The following ADCY2 variants were observed in gnomAD, a reference collection of about 807,000 sequenced individuals.
ADCY2 encodes the protein adenylate cyclase type 2.
ADCY2 carries 31 observed loss-of-function variants against 125.2 expected under a neutral mutation model. That is an observed-to-expected ratio of 0.25 (90% CI 0.19 to 0.33). The LOEUF is 0.33. Among genes scored for constraint, ADCY2 ranks in the 10% least tolerant of loss-of-function variants. The pLI, the probability that ADCY2 is intolerant of heterozygous loss-of-function variation, is 1.00. For missense variants in ADCY2, 904 were observed against 1,418.2 expected (o/e 0.64, Z 5.82); for synonymous variants, 512 against 548.4 (o/e 0.93, Z 0.93).
chr5:7,772,824 C>T, intron 17 of ADCY2, 108 bp from the exon 18 acceptor site: 2 of 1,047,986 alleles, frequency 1.9e-6, no homozygotes, highest in Non-Finnish European at 2.8e-6. Flanking sequence ...TTCACAGCCA[C>T]CTTATATGTT....
At chr5:7,657,242 G>C (rs913756035) in intron 4 of ADCY2, among the ~76,000 whole-genome samples, 2 of 152,216 alleles carry the variant, frequency 1.3e-5, no homozygotes, top group East Asian at 3.9e-4. Context: ...AAATGAAGGA[G>C]TTTGGAAAGT....
At chr5:7,826,013 C>A (rs143005876) in intron 24 of ADCY2, among the ~76,000 whole-genome samples, 2 of 152,338 alleles carry the variant, frequency 1.3e-5, no homozygotes, top group African/African-American at 4.8e-5. Flanking sequence ...CAGCAGCCTG[C>A]AAGAGGGGCT....
At chr5:7,573,598 T>C (rs12517278) in intron 3 of ADCY2, among the ~76,000 whole-genome samples, 25,547 of 126,996 alleles carry the variant, frequency 0.2, 1,678 homozygotes, top group East Asian at 0.41. Flanking sequence ...ATTTTCTTTT[T>C]TTTTTTTTTT....
chr5:7,712,236 G>A (rs577362197), intron 10 of ADCY2, among the ~76,000 whole-genome samples: 2 of 152,262 alleles, frequency 1.3e-5, no homozygotes, highest in Non-Finnish European at 2.9e-5. Context: ...AATGTGTAAA[G>A]GCAATCTTTC....
At chr5:7,453,103 G>C (rs1293399582) in intron 2 of ADCY2, among the ~76,000 whole-genome samples, 1 of 152,008 alleles carries the variant, frequency 6.6e-6, no homozygotes, top group Non-Finnish European at 1.5e-5. Context: ...TTTTAGTTTA[G>C]TTAGCTCCCA....
chr5:7,727,755 A>G (rs1208449609), intron 14 of ADCY2, among the ~76,000 whole-genome samples: 1 of 151,974 alleles, frequency 6.6e-6, no homozygotes, highest in Non-Finnish European at 1.5e-5. Context: ...TTTGATTGTT[A>G]TAGGTCAAGG....
chr5:7,400,559 C>A (rs568421021), intron 1 of ADCY2, among the ~76,000 whole-genome samples: 1 of 152,298 alleles, frequency 6.6e-6, no homozygotes, highest in Admixed American at 6.5e-5. Context: ...TTTCAGCACC[C>A]CCAATAGGTG....
Position 7,829,000 on chromosome 5 carries a change from T to A in ADCY2, c.*2129T>A, listed in dbSNP as rs1745566783. On this transcript the variant is annotated 3_prime_UTR_variant, in exon 25 of 25. Transcript: ENST00000338316. Reference sequence around the variant, plus strand: ...AAAGAACTCAAAAGGAGAACTGTGCTCTCCCAAAGCCATATCACCAGTCTT... The same window carrying A: ...AAAGAACTCAAAAGGAGAACTGTGCACTCCCAAAGCCATATCACCAGTCTT... 6.6e-6 allele frequency: 1 copy of A among 152,336 alleles called. No homozygotes were observed. The highest frequency in any genetic ancestry group is 1.5e-5 in the Non-Finnish European group (1 of 68,066). The allele number at this position is 152,336 out of a possible 1,614,324, so 9.4% of individuals were successfully genotyped here. A position where few individuals can be genotyped will look rare whatever the true frequency, so the allele number is the denominator to read the frequency against.
At chr5:7,677,219 A>G (rs1048285283) in intron 4 of ADCY2, among the ~76,000 whole-genome samples, 5 of 152,148 alleles carry the variant, frequency 3.3e-5, no homozygotes, top group African/African-American at 1.2e-4. Flanking sequence ...TGGAGGTTGC[A>G]GTGAGCCGAG....
chr5:7,754,825 C>T (rs1296172515), intron 15 of ADCY2, among the ~76,000 whole-genome samples: 1 of 151,768 alleles, frequency 6.6e-6, no homozygotes, highest in Admixed American at 6.6e-5. Context: ...CCATTGAACT[C>T]CAGCCTGAGT....
chr5:7,791,830 C>T (rs1320004238), intron 20 of ADCY2, among the ~76,000 whole-genome samples: 4 of 152,098 alleles, frequency 2.6e-5, no homozygotes, highest in African/African-American at 7.2e-5. Context: ...GGATAGGATC[C>T]TGTTATCTCC....
chr5:7,598,548 C>T, intron 3 of ADCY2, among the ~76,000 whole-genome samples: 1 of 152,134 alleles, frequency 6.6e-6, no homozygotes. Context: ...GTATTCTAAA[C>T]ACACATCCTT....
chr5:7,686,219 A>G (rs182374241), intron 4 of ADCY2, among the ~76,000 whole-genome samples: 67 of 152,310 alleles, frequency 4.4e-4, no homozygotes, highest in Non-Finnish European at 1.6e-4. Context: ...GGATTTTCCT[A>G]CCAATTGAAA....
chr5:7,777,932 G>A (rs370518492), intron 18 of ADCY2, among the ~76,000 whole-genome samples: 1 of 152,202 alleles, frequency 6.6e-6, no homozygotes, highest in African/African-American at 2.4e-5. Context: ...AGTATTTAAC[G>A]TGACCTGCTG....
At position 7,826,757 on chromosome 5, in the gene ADCY2, A is replaced by C; in HGVS notation, c.3162A>C (p.Gly1054=). The part of the protein sequence containing the change: ...EETSLVLQTL[G]YTCTCRGIIN... ...CGAGCCTCGTCCTGCAGACCCTCGG[A>C]TACACGTGCACCTGTCGAGGAATAA... Residue 1054 remains glycine (G), a synonymous_variant, in exon 25 of 25, where the codon GGA becomes GGC. Transcript: ENST00000338316. The C allele has an allele frequency of 6.2e-7, 1 of 1,614,002 alleles. No individual in the cohort carries two copies. The highest frequency in any genetic ancestry group is 8.5e-7 in the Non-Finnish European group (1 of 1,180,002).
chr5:7,442,889 T>C (rs1741066347), intron 2 of ADCY2, among the ~76,000 whole-genome samples: 2 of 152,204 alleles, frequency 1.3e-5, no homozygotes, highest in Non-Finnish European at 1.5e-5. Context: ...ACATAAACTC[T>C]TGGATTGATA....
intron 3 of ADCY2, among the ~76,000 whole-genome samples, chr5:7,573,916 C>G (rs1443137795): frequency 1.0e-5 from 1 of 97,656 alleles, no homozygotes; most frequent in Admixed American, 1.2e-4. Flanking sequence ...CCCCCTCCCC[C>G]CACCCCACAA....
At chr5:7,598,121 T>A (rs878874110) in intron 3 of ADCY2, among the ~76,000 whole-genome samples, 1 of 152,144 alleles carries the variant, frequency 6.6e-6, no homozygotes, top group East Asian at 1.9e-4. Context: ...GAGGCCACCT[T>A]TTGCAGCTTG....
At chr5:7,459,903 C>T (rs946026030) in intron 2 of ADCY2, among the ~76,000 whole-genome samples, 1 of 149,290 alleles carries the variant, frequency 6.7e-6, no homozygotes, top group African/African-American at 2.5e-5. Flanking sequence ...TCTTCTGCCT[C>T]AGCCTCCGGA....
Sources: allele counts gnomAD v4.1 joint callset (sites outside exome capture counted in the v4.1 genomes callset), GRCh38; gene constraint gnomAD v4.1.1; transcripts MANE v1.5; gene names NCBI Gene and HGNC (gene_info 2026-07-23, HGNC 2026-07-21).